FYB2: variants seen among roughly 807,000 people sequenced by gnomAD.
The protein encoded by FYB2 is FYN-binding protein 2.
A neutral mutation model predicts 94.1 loss-of-function variants in FYB2; 103 were observed. The ratio of observed to expected loss-of-function variants is 1.09; its 90% CI spans 0.93 to 1.29. FYB2 has a LOEUF of 1.29. FYB2 is among the 50% of genes most tolerant of loss of function. The pLI is 0.00. For missense variants in FYB2, 896 were observed against 841.5 expected (o/e 1.06, Z -0.80); for synonymous variants, 293 against 287.9 (o/e 1.02, Z -0.18).
intron 1 of FYB2, among the ~76,000 whole-genome samples, chr1:56,795,616 T>A (rs1646379323): frequency 6.6e-6 from 1 of 150,684 alleles, no homozygotes; most frequent in African/African-American, 2.5e-5. Flanking sequence ...GGGGTTCCAA[T>A]TTCTCCACAT....
intron 4 of FYB2, among the ~76,000 whole-genome samples, chr1:56,769,339 A>C (rs1221846286): frequency 1.3e-5 from 2 of 152,160 alleles, no homozygotes; most frequent in Non-Finnish European, 2.9e-5. Flanking sequence ...CTGGCCTAGA[A>C]TTGGTGAATT....
intron 4 of FYB2, among the ~76,000 whole-genome samples, chr1:56,779,165 A>C (rs1299611950): frequency 2.0e-5 from 3 of 152,172 alleles, no homozygotes; most frequent in Non-Finnish European, 4.4e-5. Flanking sequence ...AACCTATAAG[A>C]ATATATATAG....
At chr1:56,737,322 C>T (rs966406303) in intron 14 of FYB2, 175 bp from the exon 15 acceptor site, 1 of 438,642 alleles carries the variant, frequency 2.3e-6, no homozygotes, top group Non-Finnish European at 4.0e-6. Context: ...AAAATATTCT[C>T]TATTTGGGAA....
rs1645259784 is a variant in FYB2, at chr1:56,753,836, T to C, written c.1227+3A>G. The C allele has an allele frequency of 6.3e-7, 1 of 1,594,552 alleles. No homozygotes were observed. The highest frequency in any genetic ancestry group is 8.6e-7 in the Non-Finnish European group (1 of 1,162,752). ...AACTGCAGGAACCGTAGAACATAGG[T>C]ACCTTGAAAACATGGTTTGAATATG... On this transcript the variant is annotated splice_donor_region_variant and intron_variant, in intron 8 of 19. Coordinates refer to ENST00000343433, the MANE Select transcript of FYB2 (RefSeq NM_001004303.5).
intron 4 of FYB2, among the ~76,000 whole-genome samples, chr1:56,772,959 T>A (rs1299391989): frequency 6.6e-6 from 1 of 152,168 alleles, no homozygotes; most frequent in Non-Finnish European, 1.5e-5. Flanking sequence ...CTTTTCTTAC[T>A]TCCTTACAGA....
intron 7 of FYB2, 138 bp downstream of exon 7, chr1:56,755,758 G>T: frequency 1.3e-6 from 1 of 782,874 alleles, no homozygotes; most frequent in Non-Finnish European, 2.2e-6. Context: ...TCTGTACTAG[G>T]CACCTTGCAA....
At chr1:56,802,183 G>A (rs1646537490) in intron 1 of FYB2, among the ~76,000 whole-genome samples, 1 of 152,118 alleles carries the variant, frequency 6.6e-6, no homozygotes, top group African/African-American at 2.4e-5. Flanking sequence ...ACCTCTCTCT[G>A]CTTACTTCTG....
intron 5 of FYB2, among the ~76,000 whole-genome samples, chr1:56,760,502 A>G (rs113349169): frequency 3.3e-5 from 5 of 152,314 alleles, no homozygotes; most frequent in African/African-American, 1.2e-4. Context: ...GTAATTGTAC[A>G]CTTATTAATA....
intron 15 of FYB2, among the ~76,000 whole-genome samples, chr1:56,729,932 C>A (rs561446209): frequency 1.3e-5 from 2 of 152,070 alleles, no homozygotes; most frequent in South Asian, 4.2e-4. Flanking sequence ...CCTGAACAAC[C>A]AATGGGTGAA....
At chr1:56,749,676 G>T (rs1645149901) in intron 9 of FYB2, among the ~76,000 whole-genome samples, 1 of 151,998 alleles carries the variant, frequency 6.6e-6, no homozygotes, top group Admixed American at 6.6e-5. Context: ...TGTTCCACTG[G>T]TTTTCCCTCA....
At chr1:56,737,175 C>A in intron 14 of FYB2, 28 bp from the exon 15 acceptor site, 1 of 1,527,708 alleles carries the variant, frequency 6.5e-7, no homozygotes. Context: ...TCAAAATAGT[C>A]CATTATTAAG....
At position 56,792,685 on chromosome 1, in the gene FYB2, G is replaced by A. The variant is rs1646300701; in HGVS notation, c.128C>T (p.Thr43Ile). 6 of 1,613,986 alleles carry A rather than the reference G, an allele frequency of 3.7e-6. No homozygotes were observed. Among genetic ancestry groups the A allele is most frequent in the Admixed American group, 1.7e-5 (1 of 59,992 alleles). ...ATTGGCCAAAATTTGAGTTGACTGT[G>A]TGCCTCCAATGTCACCCTTTGGAGA... is the stretch of plus-strand genomic sequence containing the variant. The part of the protein sequence containing the change: ...GVSPKGDIGG[T>I]QSTQILANGK... The change falls in exon 2 of 20, where the codon ACA becomes ATA. Residue 43 changes from threonine (T) to isoleucine (I), a missense_variant. Transcript: ENST00000343433.
At chr1:56,765,790 T>C (rs1275063923) in intron 5 of FYB2, among the ~76,000 whole-genome samples, 1 of 152,234 alleles carries the variant, frequency 6.6e-6, no homozygotes, top group African/African-American at 2.4e-5. Flanking sequence ...GTCTACCTTC[T>C]TCTCTCTACC....
intron 2 of FYB2, among the ~76,000 whole-genome samples, chr1:56,791,306 A>G (rs547447566): frequency 4.1e-5 from 6 of 147,694 alleles, no homozygotes; most frequent in African/African-American, 1.5e-4. Context: ...CCCAGGCTGG[A>G]GTGAAGTGGT....
chr1:56,773,651 T>C (rs574235999), intron 4 of FYB2, among the ~76,000 whole-genome samples: 22 of 152,278 alleles, frequency 1.4e-4, no homozygotes, highest in Non-Finnish European at 2.6e-4. Flanking sequence ...AAAAGTTTCA[T>C]TGGAAGAAAG....
intron 5 of FYB2, among the ~76,000 whole-genome samples, chr1:56,767,353 G>T (rs1255001650): frequency 1.3e-5 from 2 of 152,164 alleles, no homozygotes; most frequent in South Asian, 2.1e-4. Flanking sequence ...TGAGCCAGTG[G>T]TCAGATCCAT....
chr1:56,720,501 G>A (rs944867939), intron 17 of FYB2, 172 bp from the exon 18 acceptor site: 7 of 484,828 alleles, frequency 1.4e-5, no homozygotes, highest in South Asian at 6.8e-5. Context: ...AAGGAAAGTC[G>A]TTTAAGAAAA....
At chr1:56,775,517 A>T (rs1037010890) in intron 4 of FYB2, among the ~76,000 whole-genome samples, 2 of 152,196 alleles carry the variant, frequency 1.3e-5, no homozygotes, top group Admixed American at 6.6e-5. Context: ...TTTCAATTAC[A>T]TGTATCAATC....
chr1:56,782,429 G>T (rs1360428508), intron 4 of FYB2, among the ~76,000 whole-genome samples: 2 of 151,888 alleles, frequency 1.3e-5, no homozygotes, highest in Non-Finnish European at 2.9e-5. Context: ...CTTTGATAAG[G>T]CATCTATTCC....
Sources: allele counts gnomAD v4.1 joint callset (sites outside exome capture counted in the v4.1 genomes callset), GRCh38; gene constraint gnomAD v4.1.1; transcripts MANE v1.5; gene names NCBI Gene and HGNC (gene_info 2026-07-23, HGNC 2026-07-21).